The following HELZ2 variants were observed in gnomAD, a reference collection of about 807,000 sequenced individuals.
HELZ2 encodes helicase with zinc finger 2, also known as 3'-5' exoribonuclease HELZ2.
In HELZ2, 143 loss-of-function variants were observed where a neutral mutation model predicts 208.8. That is an observed-to-expected ratio of 0.68 (90% confidence interval 0.60 to 0.79). The LOEUF (loss-of-function observed/expected upper bound fraction) is 0.79, where lower values mean the gene tolerates loss of function less well. Among genes scored for constraint, HELZ2 ranks in the 30% least tolerant of loss-of-function variants. HELZ2 has a pLI of 0.00. For missense variants in HELZ2, 3,690 were observed against 3,794.5 expected (o/e 0.97, Z 0.72); for synonymous variants, 1,705 against 1,693.7 (o/e 1.01, Z -0.16).
exon 14 of HELZ2, chr20:63,561,249 G>C: frequency 6.2e-7 from 1 of 1,612,690 alleles, no homozygotes; most frequent in Non-Finnish European, 8.5e-7. Context: ...TCGAACTTCC[G>C]AGCCTCCCAC....
chr20:63,566,424 C>T (rs1235026787), exon 7 of HELZ2: 2 of 1,548,450 alleles, frequency 1.3e-6, no homozygotes, highest in Non-Finnish European at 1.7e-6. Context: ...CTAGGTCCCG[C>T]CTCCTCAGCT....
At chr20:63,561,040 A>G (rs1340311250) in intron 14 of HELZ2, 42 bp downstream of exon 15, 1 of 1,598,248 alleles carries the variant, frequency 6.3e-7, no homozygotes, top group Non-Finnish European at 8.5e-7. Flanking sequence ...AGACTGTGCC[A>G]GGGACGCCTG....
intron 5 of HELZ2, 53 bp from the exon 7 acceptor site, chr20:63,567,680 C>G (rs1407178319): frequency 5.2e-6 from 8 of 1,548,338 alleles, no homozygotes; most frequent in Non-Finnish European, 7.0e-6. Flanking sequence ...TCAGTGCTGT[C>G]CGCTAAAGCA....
In HELZ2 at chr20:63,561,413, TC is replaced by T; in HGVS notation, c.6889del (p.Glu2297LysfsTer58). 6.2e-7 allele frequency: 1 copy of T among 1,612,838 alleles called. No individual in the cohort carries two copies. The highest frequency in any genetic ancestry group is 8.5e-7 in the Non-Finnish European group (1 of 1,179,888). On this transcript the variant is annotated frameshift_variant, in exon 13 of 19. Transcript: ENST00000467148. LOFTEE classifies it high-confidence loss of function. ...CAGCCGGGTGTCAAAGGCCTTGATTTCCGACGAGTAAGGGTTGGGGGCCTGC... is the reference window on the plus strand; with the variant it reads ...CAGCCGGGTGTCAAAGGCCTTGATTTCGACGAGTAAGGGTTGGGGGCCTGC...
chr20:63,570,647 A>ACCCCC, intron 2 of HELZ2, 36 bp from the exon 4 acceptor site: 4 of 1,497,370 alleles, frequency 2.7e-6, no homozygotes, highest in Non-Finnish European at 3.7e-6. Context: ...AGAGGCCTGG[A>ACCCCC]CCCCACCCCA....
In HELZ2 at chr20:63,570,622, G is replaced by A. The variant is rs760212689; in HGVS notation, c.463-11C>T. The stretch of plus-strand genomic sequence containing the variant: ...AAGGGTCTCTGCCAGCTGCGTGGAA[G>A]TCTAGCCTTCAGCAAGAGGCCTGGA... On this transcript the variant is annotated splice_polypyrimidine_tract_variant and intron_variant, in intron 2 of 18. Coordinates refer to ENST00000467148, the Ensembl canonical transcript of HELZ2. 9 of 1,604,432 alleles carry A rather than the reference G, an allele frequency of 5.6e-6. No homozygotes were observed. The highest frequency in any genetic ancestry group is 7.7e-6 in the Non-Finnish European group (9 of 1,173,498).
rs533207305 is a variant in HELZ2, at chr20:63,572,318, G to A, written c.68C>T (p.Pro23Leu). The A allele has an allele frequency of 1.7e-4, 264 of 1,586,550 alleles. 2 individuals carry two copies. The South Asian group carries it at 2.9e-3, about 17-fold the overall frequency. ...GGGGGCCGTGCGCCCGTCGCCATCAGGGGCAGGGGGTGTGAGCAGGTCCCC... is the reference window on the plus strand; with the variant it reads ...GGGGGCCGTGCGCCCGTCGCCATCAAGGGCAGGGGGTGTGAGCAGGTCCCC... Residue 23 changes from proline to leucine, a missense_variant, in exon 1 of 19, where the codon CCT (proline) becomes CTT (leucine). Transcript: ENST00000467148.
exon 8 of HELZ2, chr20:63,563,924 G>A: frequency 1.3e-6 from 2 of 1,593,884 alleles, no homozygotes; most frequent in African/African-American, 1.3e-5. Context: ...GCGGCCTGCA[G>A]GAGCCAGGAA....
At chr20:63,564,418 G>A in exon 8 of HELZ2, 2 of 1,547,562 alleles carry the variant, frequency 1.3e-6, no homozygotes, top group Non-Finnish European at 1.7e-6. Context: ...CGGCACCCGG[G>A]TGCTGCCTGA....
intron 18 of HELZ2, 58 bp downstream of exon 19, chr20:63,559,870 A>C: frequency 6.4e-7 from 1 of 1,571,904 alleles, no homozygotes; most frequent in Non-Finnish European, 8.6e-7. Flanking sequence ...GCAGCTCCCT[A>C]GCCCAGCCCT....
At chr20:63,563,604 T>C (rs1840197668) in exon 8 of HELZ2, 5 of 1,534,834 alleles carry the variant, frequency 3.3e-6, no homozygotes, top group Non-Finnish European at 4.4e-6. Context: ...AAGCCCAGCT[T>C]GTCCAGAGGC....
At chr20:63,564,512 C>A in exon 8 of HELZ2, 1 of 1,585,448 alleles carries the variant, frequency 6.3e-7, no homozygotes, top group Non-Finnish European at 8.6e-7. Context: ...CAGCTGGCCA[C>A]TGGCCTTCTC....
downstream of HELZ2, chr20:63,558,790 G>C (rs574457051): frequency 6.5e-6 from 1 of 152,996 alleles, no homozygotes; most frequent in Non-Finnish European, 1.5e-5. Flanking sequence ...TGCCCGCCTC[G>C]GCTTCCCAAA....
chr20:63,565,074 C>G, exon 8 of HELZ2: 2 of 1,562,754 alleles, frequency 1.3e-6, no homozygotes, highest in Non-Finnish European at 1.7e-6. Context: ...TCAAGCCCCA[C>G]ACGCTGCAGC....
intron 7 of HELZ2, 25 bp from the exon 9 acceptor site, chr20:63,566,256 A>C (rs751412239): frequency 9.4e-6 from 14 of 1,489,150 alleles, no homozygotes; most frequent in African/African-American, 2.8e-5. Flanking sequence ...CAGTCAGGTC[A>C]GGCTGGGTGC....
rs777036815 is a variant in HELZ2, at chr20:63,562,167, T to A, written c.6434A>T (p.Asn2145Ile). The change falls in exon 10 of 19, where the codon AAC (asparagine) becomes ATC (isoleucine). Residue 2145 changes from asparagine to isoleucine, a missense_variant. Transcript: ENST00000467148. ...CAGCTTGTGGCGGCCTCCGGGGATG[T>A]TGTAGGTCTGCCGCTCCAGGAACCT... 8 of 1,611,874 alleles carry A rather than the reference T, an allele frequency of 5.0e-6. No homozygotes were observed. The Admixed American group carries it at 1.3e-4, about 27-fold the overall frequency.
chr20:63,569,795 C>G, intron 3 of HELZ2, 130 bp from the exon 5 acceptor site: 1 of 1,051,634 alleles, frequency 9.5e-7, no homozygotes, highest in Non-Finnish European at 1.3e-6. Flanking sequence ...AGAACGCAAG[C>G]AGGCCACCCG....
At position 63,559,330 on chromosome 20, in the gene HELZ2, G is replaced by GC. The variant is rs772802540; in HGVS notation, c.7865dup (p.Ser2622ArgfsTer?). The GC allele has an allele frequency of 1.7e-5, 28 of 1,602,766 alleles. No homozygotes were observed. Among genetic ancestry groups the GC allele is most frequent in the Admixed American group, 5.1e-5 (3 of 59,056 alleles). ...GCTGAGCCTCGCAGAAGTCCAGGAG[G>GC]CTACGCCAGAGGGGGCAGCAGCGCA... On this transcript the variant is annotated frameshift_variant, in exon 19 of 19. Coordinates refer to ENST00000467148, the Ensembl canonical transcript of HELZ2. LOFTEE classifies it low-confidence loss of function (END_TRUNC).
exon 17 of HELZ2, chr20:63,560,317 G>C (rs1201994258): frequency 6.4e-7 from 1 of 1,554,894 alleles, no homozygotes; most frequent in Non-Finnish European, 8.7e-7. Flanking sequence ...CAGCTGCTTG[G>C]TGATACGGAC....
Sources: allele counts gnomAD v4.1 joint callset, GRCh38; gene constraint gnomAD v4.1.1; transcripts MANE v1.5; gene names NCBI Gene and HGNC (gene_info 2026-07-23, HGNC 2026-07-21).